MACROD2: variants seen among roughly 807,000 people sequenced by gnomAD.
MACROD2 encodes the protein ADP-ribose glycohydrolase MACROD2.
Under a neutral mutation model 70.4 loss-of-function variants are expected in MACROD2, and 36 were observed. That is an observed-to-expected ratio of 0.51 (90% CI 0.39 to 0.68). The LOEUF is 0.68. Among genes scored for constraint, MACROD2 ranks in the 30% least tolerant of loss-of-function variants. The pLI is 0.00. For synonymous variants in MACROD2, 172 were observed against 178.8 expected (o/e 0.96, Z 0.30); for missense variants, 496 against 538.4 (o/e 0.92, Z 0.78).
rs2084446809 is a variant in MACROD2, at chr20:14,466,243, T to TC, written c.272-27236_272-27235insC. Among the ~76,000 whole-genome samples the TC allele has an allele frequency of 2.1e-5, 3 of 144,712 alleles. No homozygotes were observed. In the South Asian group the frequency reaches 6.2e-4, roughly 30 times the overall value. The allele number at this position is 144,712 out of a possible 152,430, so 94.9% of individuals were successfully genotyped here. A position where few individuals can be genotyped will look rare whatever the true frequency, so the allele number is the denominator to read the frequency against. Reference sequence around the variant, plus strand: ...AGGCTTTGTTGATTTCTTTTTATTCTTTTTTCTCTAAACTTCTCTTCACGC... The same window carrying TC: ...AGGCTTTGTTGATTTCTTTTTATTCTCTTTTTCTCTAAACTTCTCTTCACGC... On this transcript the variant is annotated intron_variant, in intron 3 of 17. Transcript: ENST00000684519.
chr20:14,022,794 A>T (rs2053106547), intron 2 of MACROD2, among the ~76,000 whole-genome samples: 1 of 152,182 alleles, frequency 6.6e-6, no homozygotes, highest in Non-Finnish European at 1.5e-5. Context: ...TTATGGCTGC[A>T]TCATATTCCA....
chr20:14,544,296 A>G (rs1050210261), intron 4 of MACROD2, among the ~76,000 whole-genome samples: 54 of 150,728 alleles, frequency 3.6e-4, no homozygotes, highest in Non-Finnish European at 6.2e-4. Context: ...AATCATTTTA[A>G]TTTTACTTTT....
intron 8 of MACROD2, among the ~76,000 whole-genome samples, chr20:15,695,024 C>T (rs2050347072): frequency 6.6e-6 from 1 of 152,160 alleles, no homozygotes; most frequent in African/African-American, 2.4e-5. Flanking sequence ...GTTCAGTTGT[C>T]TGTAACTACT....
In MACROD2 at chr20:15,935,576, C is replaced by T. The variant is rs6135613; in HGVS notation, c.839-1900C>T. 0.018 allele frequency among the ~76,000 whole-genome samples: 2,792 copies of T among 152,256 alleles called. 196 individuals carry two copies. The East Asian group carries it at 0.23, about 13-fold the overall frequency. On this transcript the variant is annotated intron_variant, in intron 11 of 17. Transcript: ENST00000684519. ...TATATAGCTCTGCAGGCCTCTTACACGTCATGAAAAAACACAATCTTAAAA... is the reference window on the plus strand; with the variant it reads ...TATATAGCTCTGCAGGCCTCTTACATGTCATGAAAAAACACAATCTTAAAA...
intron 3 of MACROD2, among the ~76,000 whole-genome samples, chr20:14,251,190 C>G (rs563660641): frequency 7.2e-5 from 11 of 152,204 alleles, no homozygotes; most frequent in South Asian, 4.1e-4. Flanking sequence ...GACTTAGGGA[C>G]TAAACCTTGT....
chr20:15,442,126 C>T lies in MACROD2; in HGVS notation c.571+10691C>T, dbSNP rs111920001. 6.7e-3 allele frequency among the ~76,000 whole-genome samples: 1,020 copies of T among 152,162 alleles called. 8 individuals carry two copies. Among genetic ancestry groups the T allele is most frequent in the Non-Finnish European group, 0.011 (782 of 68,006 alleles). On this transcript the variant is annotated intron_variant, in intron 7 of 17. Coordinates refer to ENST00000684519, the MANE Select transcript of MACROD2 (RefSeq NM_001351661.2). ...TACATACTTGTGTCTAAAGGGTAAACGTAAATAAACATAGCCCTCTTCAAA... is the reference window on the plus strand; with the variant it reads ...TACATACTTGTGTCTAAAGGGTAAATGTAAATAAACATAGCCCTCTTCAAA...
chr20:14,808,692 C>G (rs752742997), intron 5 of MACROD2, among the ~76,000 whole-genome samples: 1 of 151,418 alleles, frequency 6.6e-6, no homozygotes, highest in South Asian at 2.1e-4. Flanking sequence ...GGAGACCCAT[C>G]TCATGTGCAA....
At chr20:15,083,905 T>C (rs1161738575) in intron 5 of MACROD2, among the ~76,000 whole-genome samples, 2 of 151,992 alleles carry the variant, frequency 1.3e-5, no homozygotes, top group Non-Finnish European at 2.9e-5. Context: ...TGTATCTTCC[T>C]TTCCCCTGAT....
intron 3 of MACROD2, among the ~76,000 whole-genome samples, chr20:14,409,787 C>T (rs1054080031): frequency 2.6e-5 from 4 of 152,064 alleles, no homozygotes; most frequent in Non-Finnish European, 5.9e-5. Flanking sequence ...GGTTGGAGAG[C>T]GCATTGATAC....
intron 6 of MACROD2, among the ~76,000 whole-genome samples, chr20:15,320,598 A>G (rs900165069): frequency 6.6e-6 from 1 of 152,182 alleles, no homozygotes; most frequent in African/African-American, 2.4e-5. Context: ...AAATTGTTGT[A>G]GGGATTAAAT....
At chr20:14,783,462 A>G (rs1028342612) in intron 5 of MACROD2, among the ~76,000 whole-genome samples, 6 of 152,090 alleles carry the variant, frequency 3.9e-5, no homozygotes, top group Non-Finnish European at 7.3e-5. Context: ...TTCTCCTCAT[A>G]ATTTCACTTT....
intron 12 of MACROD2, among the ~76,000 whole-genome samples, chr20:15,961,850 C>T (rs73900894): frequency 6.6e-6 from 1 of 152,092 alleles, no homozygotes; most frequent in Non-Finnish European, 1.5e-5. Context: ...ATCAAGAGAG[C>T]CTGTGGTGTG....
intron 5 of MACROD2, among the ~76,000 whole-genome samples, chr20:15,046,094 C>G (rs1394575173): frequency 2.0e-5 from 3 of 152,082 alleles, no homozygotes; most frequent in Non-Finnish European, 4.4e-5. Flanking sequence ...ATTTAAGCAT[C>G]TTCTTCGCCT....
intron 8 of MACROD2, among the ~76,000 whole-genome samples, chr20:15,691,105 G>A (rs1220541096): frequency 3.9e-5 from 6 of 152,238 alleles, no homozygotes; most frequent in Admixed American, 3.3e-4. Context: ...GTTCTAAGGG[G>A]TCTAGTTTTA....
chr20:15,044,098 C>T (rs956278044), intron 5 of MACROD2, among the ~76,000 whole-genome samples: 5 of 152,166 alleles, frequency 3.3e-5, no homozygotes, highest in Non-Finnish European at 5.9e-5. Context: ...TACAGCCTAT[C>T]TCCCCTCCAT....
chr20:15,502,250 G>C (rs947293932), intron 8 of MACROD2, among the ~76,000 whole-genome samples: 5 of 152,182 alleles, frequency 3.3e-5, no homozygotes, highest in African/African-American at 1.2e-4. Flanking sequence ...CAATGGGAAG[G>C]AGGAAGCCAA....
chr20:14,009,135 G>T (rs547594030), intron 2 of MACROD2, among the ~76,000 whole-genome samples: 1 of 152,220 alleles, frequency 6.6e-6, no homozygotes, highest in East Asian at 1.9e-4. Flanking sequence ...AATTACACTA[G>T]AGTTTCTGCA....
chr20:14,486,066 T>C (rs931898601), intron 3 of MACROD2, among the ~76,000 whole-genome samples: 9 of 152,102 alleles, frequency 5.9e-5, no homozygotes, highest in African/African-American at 2.2e-4. Context: ...AAACAGATGA[T>C]GCAGTCAAAT....
At position 15,682,188 on chromosome 20, in the gene MACROD2, G is replaced by A. The variant is rs533387965; in HGVS notation, c.646-180557G>A. Among the ~76,000 whole-genome samples, 8 of 152,256 alleles carry A rather than the reference G, an allele frequency of 5.3e-5. No homozygotes were observed. In the South Asian group the frequency reaches 1.7e-3, roughly 32 times the overall value. On this transcript the variant is annotated intron_variant, in intron 8 of 17. Coordinates refer to ENST00000684519, the MANE Select transcript of MACROD2 (RefSeq NM_001351661.2). Reference sequence around the variant, plus strand: ...TATCAGGGCAGATCCAGTAGTTCAGGGGCAGAGCTAAGTTCTGAGGTACAA... The same window carrying A: ...TATCAGGGCAGATCCAGTAGTTCAGAGGCAGAGCTAAGTTCTGAGGTACAA...
Sources: allele counts gnomAD v4.1 joint callset (sites outside exome capture counted in the v4.1 genomes callset), GRCh38; gene constraint gnomAD v4.1.1; transcripts MANE v1.5; gene names NCBI Gene and HGNC (gene_info 2026-07-23, HGNC 2026-07-21).